Variants in ARHGEF38 observed in about 807,000 individuals in gnomAD.
The protein encoded by ARHGEF38 is Rho guanine nucleotide exchange factor (GEF) 38.
A neutral mutation model predicts 79.9 loss-of-function variants in ARHGEF38; 79 were observed. The observed-to-expected ratio is 0.99, with a 90% confidence interval of 0.82 to 1.19. The LOEUF is 1.19. ARHGEF38 is among the 50% of genes most tolerant of loss of function. The pLI, the probability that ARHGEF38 is intolerant of heterozygous loss-of-function variation, is 0.00. For missense variants in ARHGEF38, 962 were observed against 907.2 expected, an observed-to-expected ratio of 1.06 and a Z score of -0.78; for synonymous variants, 366 against 328.3, an observed-to-expected ratio of 1.11 and a Z score of -1.24.
intron 1 of ARHGEF38, among the ~76,000 whole-genome samples, chr4:105,572,311 C>T (rs190514700): frequency 8.5e-4 from 129 of 152,172 alleles, no homozygotes; most frequent in African/African-American, 3.1e-3. Context: ...GGAAGCCTTG[C>T]TATGTCTATT....
intron 1 of ARHGEF38, among the ~76,000 whole-genome samples, chr4:105,584,278 G>T (rs1423791967): frequency 1.3e-5 from 2 of 152,144 alleles, no homozygotes; most frequent in East Asian, 3.9e-4. Context: ...GATATTTTGA[G>T]AAGCCTATAC....
intron 9 of ARHGEF38, among the ~76,000 whole-genome samples, chr4:105,657,051 T>TAGATGATA (rs1553948602): frequency 2.0e-5 from 3 of 151,090 alleles, no homozygotes; most frequent in African/African-American, 4.9e-5. Context: ...GATAGATAGA[T>TAGATGATA]GATAGATAGA....
At position 105,659,054 on chromosome 4, in the gene ARHGEF38, G is replaced by A; in HGVS notation, c.1234G>A (p.Ala412Thr). Reference protein sequence around the residue: ...SNALNSCHDFASHLQRLILTP... With the variant: ...SNALNSCHDFTSHLQRLILTP... Reference sequence around the variant, plus strand: ...ATGGGCTCATTTTTTCTTTTGGCAGGCATCTCACTTACAGAGACTCATCCT... The same window carrying A: ...ATGGGCTCATTTTTTCTTTTGGCAGACATCTCACTTACAGAGACTCATCCT... Residue 412 changes from alanine to threonine, a missense_variant and splice_region_variant, in exon 10 of 14, where the codon GCA (alanine) becomes ACA (threonine). Ala to Thr is a moderately conservative substitution (Grantham distance 58). Transcript: ENST00000420470. The A allele has an allele frequency of 6.5e-7, 1 of 1,526,990 alleles. No homozygotes were observed. Among genetic ancestry groups the A allele is most frequent in the Non-Finnish European group, 8.8e-7 (1 of 1,142,196 alleles). 94.6% of individuals were successfully genotyped at this position (1,526,990 alleles called of 1,614,324 possible).
intron 2 of ARHGEF38, among the ~76,000 whole-genome samples, chr4:105,610,625 C>A (rs541041360): frequency 1.3e-5 from 2 of 152,126 alleles, no homozygotes; most frequent in East Asian, 3.9e-4. Flanking sequence ...CTTGGCATAG[C>A]AATGATTGGA....
chr4:105,635,036 A>C (rs1729343279), intron 4 of ARHGEF38, among the ~76,000 whole-genome samples: 1 of 152,172 alleles, frequency 6.6e-6, no homozygotes, highest in Non-Finnish European at 1.5e-5. Context: ...GTTCCTTGTT[A>C]TATGGCATCA....
chr4:105,582,809 A>G (rs1726861048), intron 1 of ARHGEF38, among the ~76,000 whole-genome samples: 1 of 152,152 alleles, frequency 6.6e-6, no homozygotes, highest in African/African-American at 2.4e-5. Context: ...TTTGCTTCAC[A>G]TGTTTTGAAA....
intron 2 of ARHGEF38, among the ~76,000 whole-genome samples, chr4:105,603,123 T>C (rs1350884307): frequency 6.6e-6 from 1 of 152,174 alleles, no homozygotes; most frequent in Non-Finnish European, 1.5e-5. Context: ...TCAAAATTCA[T>C]TCCACAGTTT....
In ARHGEF38 at chr4:105,678,031, A is replaced by AC; in HGVS notation, c.*96dup. ...AAAACTTTGGACCAGAAAGCAAGAA[A>AC]CCTCTGAACTACAGAAACTGATACT... On this transcript the variant is annotated 3_prime_UTR_variant, in exon 14 of 14. Transcript: ENST00000420470. 2 of 1,074,950 alleles carry AC rather than the reference A, an allele frequency of 1.9e-6. No individual in the cohort carries two copies. The highest frequency in any genetic ancestry group is 2.6e-6 in the Non-Finnish European group (2 of 778,668). The allele number at this position is 1,074,950 out of a possible 1,614,324, so 66.6% of individuals were successfully genotyped here. A position where few individuals can be genotyped will look rare whatever the true frequency, so the allele number is the denominator to read the frequency against.
chr4:105,562,877 C>T (rs1417446239), intron 1 of ARHGEF38, among the ~76,000 whole-genome samples: 2 of 152,162 alleles, frequency 1.3e-5, no homozygotes, highest in African/African-American at 4.8e-5. Context: ...AGCCTGGGCA[C>T]AGGGAGAGGC....
chr4:105,592,357 A>G (rs1034051742), intron 2 of ARHGEF38, among the ~76,000 whole-genome samples: 1 of 151,902 alleles, frequency 6.6e-6, no homozygotes, highest in Non-Finnish European at 1.5e-5. Flanking sequence ...CAGAATTTCA[A>G]GCTTACTATT....
chr4:105,667,642 C>T lies in ARHGEF38; in HGVS notation c.2087C>T (p.Thr696Ile). The T allele has an allele frequency of 6.5e-7, 1 of 1,536,516 alleles. No individual in the cohort carries two copies. The highest frequency in any genetic ancestry group is 1.2e-5 in the South Asian group (1 of 84,064). The change falls in exon 13 of 14, where the codon ACA (threonine) becomes ATA (isoleucine). Residue 696 changes from threonine to isoleucine, a missense_variant. Transcript: ENST00000420470. ...IGDSSSSLSGTCGKFETNGTD... is the reference protein window; with the variant it reads ...IGDSSSSLSGICGKFETNGTD... The stretch of plus-strand genomic sequence containing the variant: ...GATAGCAGCTCATCTCTTAGTGGCA[C>T]ATGTGGAAAGTTTGAAACAAATGGT...
chr4:105,675,165 C>A (rs1335840727), intron 13 of ARHGEF38, among the ~76,000 whole-genome samples: 2 of 152,214 alleles, frequency 1.3e-5, no homozygotes, highest in Non-Finnish European at 2.9e-5. Context: ...AGAATACACT[C>A]TGTACATACT....
At chr4:105,577,279 G>A (rs1179433757) in intron 1 of ARHGEF38, among the ~76,000 whole-genome samples, 6 of 120,202 alleles carry the variant, frequency 5.0e-5, no homozygotes, top group Non-Finnish European at 8.1e-5. Flanking sequence ...AGTCCCCAGA[G>A]GGTGATGTTC....
chr4:105,654,276 T>C, intron 8 of ARHGEF38, 107 bp downstream of exon 8: 1 of 617,436 alleles, frequency 1.6e-6, no homozygotes, highest in Non-Finnish European at 2.5e-6. Flanking sequence ...TTCCTTTATG[T>C]TATGACACCG....
chr4:105,560,525 T>G (rs1725464831), intron 1 of ARHGEF38, among the ~76,000 whole-genome samples: 1 of 152,170 alleles, frequency 6.6e-6, no homozygotes, highest in Admixed American at 6.5e-5. Flanking sequence ...ATAGGTGATA[T>G]TTCAGTAGAA....
chr4:105,605,023 A>C (rs1312489341), intron 2 of ARHGEF38, among the ~76,000 whole-genome samples: 4 of 152,154 alleles, frequency 2.6e-5, no homozygotes, highest in Admixed American at 1.3e-4. Flanking sequence ...CTAGCCCTCC[A>C]GCTCAAAAGA....
intron 4 of ARHGEF38, among the ~76,000 whole-genome samples, chr4:105,632,020 A>G (rs1239903545): frequency 6.6e-6 from 1 of 152,124 alleles, no homozygotes; most frequent in Non-Finnish European, 1.5e-5. Flanking sequence ...TAGGGGAAAG[A>G]GGGATCCCCA....
intron 9 of ARHGEF38, 24 bp from the exon 10 acceptor site, chr4:105,659,030 T>C: frequency 1.3e-6 from 2 of 1,515,354 alleles, no homozygotes; most frequent in Non-Finnish European, 1.8e-6. Flanking sequence ...CTCTCTGAAA[T>C]GGGCTCATTT....
chr4:105,624,853 G>A (rs868837693), intron 3 of ARHGEF38, among the ~76,000 whole-genome samples: 17 of 152,184 alleles, frequency 1.1e-4, no homozygotes, highest in African/African-American at 3.1e-4. Flanking sequence ...CACTGGAGAT[G>A]GCATACCATG....
Sources: allele counts gnomAD v4.1 joint callset (sites outside exome capture counted in the v4.1 genomes callset), GRCh38; gene constraint gnomAD v4.1.1; transcripts MANE v1.5; gene names NCBI Gene and HGNC (gene_info 2026-07-23, HGNC 2026-07-21).